The following PLB1 variants were observed in gnomAD, a reference collection of about 807,000 sequenced individuals.
PLB1 encodes phospholipase B1, membrane-associated.
Under a neutral mutation model 227.4 loss-of-function variants are expected in PLB1, and 242 were observed. The observed-to-expected ratio is 1.06, with a 90% confidence interval of 0.96 to 1.18. The LOEUF (loss-of-function observed/expected upper bound fraction) is 1.18, where lower values mean the gene tolerates loss of function less well. Among genes scored for constraint, PLB1 ranks in the 50% most tolerant of loss-of-function variants. The probability of loss-of-function intolerance (pLI) is 0.00; values close to 1 mark genes in which losing one functional copy is unlikely to be tolerated. For synonymous variants in PLB1, 757 were observed against 682.2 expected (o/e 1.11, Z -1.71); for missense variants, 1,858 against 1,816.3 (o/e 1.02, Z -0.42).
rs546302799 is a variant in PLB1 at position 28,596,571 on chromosome 2, G to A, written c.2322-1434G>A. On this transcript the variant is annotated intron_variant, in intron 33 of 57. Transcript: ENST00000327757. ...AGAATTAGAACACAAGTGATTGGCA[G>A]AGGTATATAAATTTATACTTCTTTT... 5.9e-5 allele frequency among the ~76,000 whole-genome samples: 9 copies of A among 152,352 alleles called. No individual in the cohort carries two copies. In the South Asian group the frequency reaches 1.9e-3, roughly 32 times the overall value.
intron 41 of PLB1, 127 bp downstream of exon 41, chr2:28,604,886 G>C: frequency 1.2e-6 from 1 of 848,952 alleles, no homozygotes; most frequent in Non-Finnish European, 1.8e-6. Context: ...TGTGCTGGCA[G>C]GTGCAGGCTC....
At chr2:28,504,757 C>T (rs181713480) in intron 1 of PLB1, among the ~76,000 whole-genome samples, 183 of 152,146 alleles carry the variant, frequency 1.2e-3, no homozygotes, top group Non-Finnish European at 2.1e-3. Context: ...AACAAAACAA[C>T]AACAACAACA....
chr2:28,587,862 T>C (rs1047005384), intron 26 of PLB1, among the ~76,000 whole-genome samples: 3 of 152,174 alleles, frequency 2.0e-5, no homozygotes, highest in Non-Finnish European at 2.9e-5. Flanking sequence ...CTGCTCTCTA[T>C]GCAGTGGGGT....
intron 25 of PLB1, 22 bp downstream of exon 25, chr2:28,582,527 G>T: frequency 6.4e-7 from 1 of 1,555,742 alleles, no homozygotes; most frequent in Non-Finnish European, 8.8e-7. Flanking sequence ...ACTTCTCCCC[G>T]ATTCTACTAA....
chr2:28,605,313 G>A lies in PLB1; in HGVS notation c.2962-540G>A, dbSNP rs148430756. Among the ~76,000 whole-genome samples, 80 of 152,230 alleles carry A rather than the reference G, an allele frequency of 5.3e-4. 3 individuals are homozygous for A. In the East Asian group the frequency reaches 0.014, roughly 27 times the overall value. Reference sequence around the variant, plus strand: ...GGTGAGGACTGAGGTCTGTCCCCCTGGGCTGCCATCCCAAGAGCCTCACCT... The same window carrying A: ...GGTGAGGACTGAGGTCTGTCCCCCTAGGCTGCCATCCCAAGAGCCTCACCT... On this transcript the variant is annotated intron_variant, in intron 41 of 57. Coordinates refer to ENST00000327757, the MANE Select transcript of PLB1 (RefSeq NM_153021.5).
intron 9 of PLB1, among the ~76,000 whole-genome samples, chr2:28,536,421 G>GA (rs1473418361): frequency 6.7e-6 from 1 of 150,068 alleles, no homozygotes; most frequent in African/African-American, 2.4e-5. Context: ...AAGAAAAAAT[G>GA]AAAAAAAGAG....
intron 56 of PLB1, chr2:28,633,296 G>GC (rs1688899222): frequency 4.3e-6 from 2 of 464,904 alleles, no homozygotes; most frequent in African/African-American, 4.0e-5. Context: ...CAGGTACTGC[G>GC]AGGGGATCCC....
At chr2:28,582,871 C>T (rs1680278504) in intron 25 of PLB1, among the ~76,000 whole-genome samples, 1 of 152,144 alleles carries the variant, frequency 6.6e-6, no homozygotes, top group South Asian at 2.1e-4. Flanking sequence ...CCAAGTGTGT[C>T]CAGAGCTGAT....
intron 33 of PLB1, chr2:28,594,264 T>A (rs534434519): frequency 3.7e-6 from 1 of 273,108 alleles, no homozygotes; most frequent in South Asian, 3.4e-5. Context: ...TCTTGAAAGA[T>A]TAGCAATTCG....
At chr2:28,562,856 C>T (rs1055550465) in intron 17 of PLB1, among the ~76,000 whole-genome samples, 185 bp from the exon 18 acceptor site, 1 of 152,046 alleles carries the variant, frequency 6.6e-6, no homozygotes, top group African/African-American at 2.4e-5. Context: ...ACTCAGACTC[C>T]ACAGCTGGCA....
chr2:28,630,813 A>G (rs1056501157), intron 54 of PLB1, 149 bp downstream of exon 54: 2 of 630,294 alleles, frequency 3.2e-6, no homozygotes, highest in Non-Finnish European at 5.4e-6. Context: ...ACCCCTGCAA[A>G]TTGAACACCA....
chr2:28,553,068 C>G (rs1389772848), intron 17 of PLB1, 77 bp downstream of exon 17: 1 of 1,249,184 alleles, frequency 8.0e-7, no homozygotes, highest in African/African-American at 1.5e-5. Context: ...TCCACATAAC[C>G]TGAAATACTC....
In PLB1 at chr2:28,628,553, T is replaced by C. The variant is rs143911122; in HGVS notation, c.3661-10T>C. ...CAGGGGCTAAAGAGAGTACCCTTTT[T>C]TCCTTACAGGAGGCCCACTTGGCCA... On this transcript the variant is annotated splice_polypyrimidine_tract_variant and intron_variant, in intron 51 of 57. Transcript: ENST00000327757. 1.1e-3 allele frequency: 1,700 copies of C among 1,613,914 alleles called. 17 individuals carry two copies. The African/African-American group carries it at 0.021, about 20-fold the overall frequency.
At chr2:28,567,128 G>C (rs1020180104) in intron 20 of PLB1, among the ~76,000 whole-genome samples, 12 of 152,288 alleles carry the variant, frequency 7.9e-5, no homozygotes, top group Admixed American at 3.9e-4. Context: ...CGGGGAAAAA[G>C]ATCACCTCTT....
chr2:28,503,063 C>A lies in PLB1; in HGVS notation c.55+6894C>A, dbSNP rs557196738. 3.3e-5 allele frequency among the ~76,000 whole-genome samples: 5 copies of A among 152,056 alleles called. No individual in the cohort carries two copies. The South Asian group carries it at 1.0e-3, about 32-fold the overall frequency. On this transcript the variant is annotated intron_variant, in intron 1 of 57. Coordinates refer to ENST00000327757, the MANE Select transcript of PLB1 (RefSeq NM_153021.5). ...CTTCAATACCTGTAGCTTCTGTAGT[C>A]ATGTCCTTTTTGTTTCTGGTACTGA...
At chr2:28,517,158 TG>T (rs1363246622) in intron 2 of PLB1, among the ~76,000 whole-genome samples, 1 of 152,198 alleles carries the variant, frequency 6.6e-6, no homozygotes, top group African/African-American at 2.4e-5. Flanking sequence ...AAGCAGATGT[TG>T]GGAGTTATCT....
chr2:28,602,024 T>G, intron 38 of PLB1, 60 bp downstream of exon 38: 3 of 1,300,912 alleles, frequency 2.3e-6, no homozygotes, highest in Middle Eastern at 1.8e-4. Flanking sequence ...TGAAGGTGGA[T>G]GGGGGGAAAG....
At chr2:28,581,029 C>T (rs539977947) in intron 23 of PLB1, among the ~76,000 whole-genome samples, 69 of 151,878 alleles carry the variant, frequency 4.5e-4, no homozygotes, top group African/African-American at 8.9e-4. Context: ...GCTGGTAGCC[C>T]GTGGGGAGGT....
intron 25 of PLB1, among the ~76,000 whole-genome samples, chr2:28,585,282 T>C (rs1680715946): frequency 6.6e-6 from 1 of 152,214 alleles, no homozygotes; most frequent in Non-Finnish European, 1.5e-5. Context: ...TTTCTTTTTT[T>C]TTTTTTCTTT....
Sources: allele counts gnomAD v4.1 joint callset (sites outside exome capture counted in the v4.1 genomes callset), GRCh38; gene constraint gnomAD v4.1.1; transcripts MANE v1.5; gene names NCBI Gene and HGNC (gene_info 2026-07-23, HGNC 2026-07-21).